Variants in CCDC42 observed in about 807,000 individuals in gnomAD.
The protein encoded by CCDC42 is coiled-coil domain-containing protein 42.
Under a neutral mutation model 40.8 loss-of-function variants are expected in CCDC42, and 38 were observed. The observed-to-expected ratio is 0.93, with a 90% CI of 0.72 to 1.22. CCDC42 has a LOEUF of 1.22. Among genes scored for constraint, CCDC42 ranks in the 50% most tolerant of loss-of-function variants. The probability of loss-of-function intolerance (pLI) is 0.00; values close to 1 mark genes in which losing one functional copy is unlikely to be tolerated. For synonymous variants in CCDC42, 135 were observed against 157.5 expected, an observed-to-expected ratio of 0.86 and a Z score of 1.07; for missense variants, 379 against 416.5, an observed-to-expected ratio of 0.91 and a Z score of 0.78.
chr17:8,740,190 C>T (rs1249541051), intron 4 of CCDC42, among the ~76,000 whole-genome samples: 2 of 151,934 alleles, frequency 1.3e-5, no homozygotes, highest in Non-Finnish European at 2.9e-5. Flanking sequence ...CATGGGAGGC[C>T]CTGGACATTG....
chr17:8,741,317 G>C (rs996045190), intron 4 of CCDC42, among the ~76,000 whole-genome samples, 157 bp downstream of exon 4: 3 of 152,120 alleles, frequency 2.0e-5, no homozygotes, highest in African/African-American at 7.2e-5. Flanking sequence ...GCATCTCCTC[G>C]GAGCAGGGTG....
In CCDC42 at chr17:8,737,149, T is replaced by C. The variant is rs541524639; in HGVS notation, c.493-1538A>G. 5.9e-5 allele frequency among the ~76,000 whole-genome samples: 9 copies of C among 152,208 alleles called. No homozygotes were observed. In the South Asian group the frequency reaches 1.7e-3, roughly 28 times the overall value. On this transcript the variant is annotated intron_variant, in intron 4 of 6. Transcript: ENST00000293845. ...ACCTTGGGAAGGAGTGTGGACTTTA[T>C]CCATTGAAGGATTTTAAGAAACAGA...
chr17:8,734,284 G>A (rs914891823), intron 6 of CCDC42, among the ~76,000 whole-genome samples: 6 of 152,098 alleles, frequency 3.9e-5, no homozygotes, highest in Non-Finnish European at 2.9e-5. Flanking sequence ...ACCATATAAA[G>A]AAAAGCTCTC....
intron 4 of CCDC42, 59 bp downstream of exon 4, chr17:8,741,415 G>A: frequency 6.5e-7 from 1 of 1,528,730 alleles, no homozygotes. Context: ...CAGGCCCCGG[G>A]GAAGAGAGGT....
chr17:8,740,077 A>G (rs1252818608), intron 4 of CCDC42, among the ~76,000 whole-genome samples: 3 of 152,084 alleles, frequency 2.0e-5, no homozygotes, highest in South Asian at 2.1e-4. Flanking sequence ...CTCAGAGGAC[A>G]TGGATCCACA....
intron 4 of CCDC42, among the ~76,000 whole-genome samples, chr17:8,741,049 C>T (rs185444774): frequency 1.3e-3 from 205 of 152,280 alleles, no homozygotes; most frequent in Middle Eastern, 3.4e-3. Flanking sequence ...CTCCAGTAAA[C>T]AGAAGACACT....
chr17:8,740,103 C>T (rs1304865747), intron 4 of CCDC42, among the ~76,000 whole-genome samples: 3 of 152,158 alleles, frequency 2.0e-5, no homozygotes, highest in East Asian at 3.9e-4. Context: ...GGAGGAGGTG[C>T]CTCCATCTGC....
chr17:8,742,315 G>T (rs2086650340), intron 3 of CCDC42, among the ~76,000 whole-genome samples: 1 of 152,214 alleles, frequency 6.6e-6, no homozygotes, highest in South Asian at 2.1e-4. Flanking sequence ...GCTCCAGGAA[G>T]ATGAGAGAGG....
chr17:8,738,958 C>T (rs1210734241), intron 4 of CCDC42, among the ~76,000 whole-genome samples: 2 of 152,122 alleles, frequency 1.3e-5, no homozygotes, highest in African/African-American at 4.8e-5. Flanking sequence ...TTTCAATTAT[C>T]GGTAGTGTTT....
intron 4 of CCDC42, among the ~76,000 whole-genome samples, chr17:8,736,917 GGAAGAAGAAAGCA>G (rs1300896938): frequency 2.0e-5 from 3 of 146,668 alleles, no homozygotes; most frequent in Non-Finnish European, 4.5e-5. Flanking sequence ...GAAGAAGAAA[GGAAGAAGAAAGCA>G]GAAGAAGAAA....
chr17:8,741,303 G>C (rs962913853), intron 4 of CCDC42, among the ~76,000 whole-genome samples, 171 bp downstream of exon 4: 2 of 152,216 alleles, frequency 1.3e-5, no homozygotes, highest in African/African-American at 4.8e-5. Flanking sequence ...CCCCAGGGCT[G>C]GGTGCATCTC....
At chr17:8,738,974 A>G (rs1825478702) in intron 4 of CCDC42, among the ~76,000 whole-genome samples, 1 of 152,228 alleles carries the variant, frequency 6.6e-6, no homozygotes, top group South Asian at 2.1e-4. Context: ...TGTTTGATTT[A>G]AGACAAAAGA....
At chr17:8,744,031 C>T (rs1180705800) in intron 2 of CCDC42, 48 bp downstream of exon 2, 6 of 1,396,536 alleles carry the variant, frequency 4.3e-6, no homozygotes, top group Non-Finnish European at 6.0e-6. Flanking sequence ...AGCCCCAGCC[C>T]ACCCCCTTCC....
rs1193888137 is a variant in CCDC42 at position 8,744,129 on chromosome 17, T to C, written c.139A>G (p.Lys47Glu). 1 of 1,613,896 alleles carries C rather than the reference T, an allele frequency of 6.2e-7. No homozygotes were observed. Among genetic ancestry groups the C allele is most frequent in the Non-Finnish European group, 8.5e-7 (1 of 1,179,982 alleles). ...TGCATGATTTCTGTCTCCTTTTTCT[T>C]CTCCAGTAGCCAGATGGATGGGGAC... ...SESPSIWLLEKKKETEIMHQT... is the reference protein window; with the variant it reads ...SESPSIWLLEEKKETEIMHQT... The change falls in exon 2 of 7, where the codon AAG (lysine) becomes GAG (glutamate). Residue 47 changes from lysine (K) to glutamate (E), a missense_variant. By Grantham distance (56) the Lys-to-Glu change is moderately conservative (BLOSUM62 1). Coordinates refer to ENST00000293845, the MANE Select transcript of CCDC42 (RefSeq NM_144681.3).
chr17:8,732,057 T>C (rs2086583933), intron 6 of CCDC42, among the ~76,000 whole-genome samples: 1 of 151,688 alleles, frequency 6.6e-6, no homozygotes, highest in African/African-American at 2.4e-5. Flanking sequence ...TCCCAGCACT[T>C]TGGGAGGCCG....
At position 8,744,522 on chromosome 17, in the gene CCDC42, C is replaced by T. The variant is rs1220785250; in HGVS notation, c.83+5G>A. ...GGGTGGGCAAGCCAGGCCTCAGACA[C>T]TCACTGGAGCATCTGCAGCAGCCGC... On this transcript the variant is annotated splice_donor_5th_base_variant and intron_variant, in intron 1 of 6. Transcript: ENST00000293845. 3.1e-6 allele frequency: 5 copies of T among 1,609,838 alleles called. No homozygotes were observed. The highest frequency in any genetic ancestry group is 1.3e-5 in the African/African-American group (1 of 74,862).
At chr17:8,740,684 C>T (rs2086637756) in intron 4 of CCDC42, among the ~76,000 whole-genome samples, 1 of 152,044 alleles carries the variant, frequency 6.6e-6, no homozygotes, top group African/African-American at 2.4e-5. Context: ...GTGTCAGACG[C>T]TGCCCCCAAG....
At chr17:8,743,553 A>C in intron 3 of CCDC42, 73 bp downstream of exon 3, 1 of 856,638 alleles carries the variant, frequency 1.2e-6, no homozygotes, top group Non-Finnish European at 2.0e-6. Flanking sequence ...AGAAGCAAGG[A>C]GGAGGAGTGC....
intron 6 of CCDC42, among the ~76,000 whole-genome samples, chr17:8,734,813 T>C (rs1366264835): frequency 1.3e-5 from 2 of 152,172 alleles, no homozygotes. Flanking sequence ...AGGGTTTCGG[T>C]GCTAATGCAA....
Sources: allele counts gnomAD v4.1 joint callset (sites outside exome capture counted in the v4.1 genomes callset), GRCh38; gene constraint gnomAD v4.1.1; transcripts MANE v1.5; gene names NCBI Gene and HGNC (gene_info 2026-07-23, HGNC 2026-07-21).